NELL2: variants seen among roughly 807,000 people sequenced by gnomAD.
The protein encoded by NELL2 is neural EGFL like 2.
In NELL2, 41 loss-of-function variants were observed where a neutral mutation model predicts 109.6. The observed-to-expected ratio is 0.37, with a 90% CI of 0.29 to 0.49. The LOEUF is 0.49. Ranked by LOEUF, NELL2 falls within the 20% of genes least tolerant of loss-of-function variation. The pLI, the probability that NELL2 is intolerant of heterozygous loss-of-function variation, is 0.98. For missense variants in NELL2, 900 were observed against 1,008.3 expected (o/e 0.89, Z 1.45); for synonymous variants, 355 against 344.7 (o/e 1.03, Z -0.33).
intron 3 of NELL2, among the ~76,000 whole-genome samples, chr12:44,804,629 C>A (rs1239282016): frequency 6.6e-6 from 1 of 151,710 alleles, no homozygotes; most frequent in African/African-American, 2.4e-5. Context: ...TTATTTTAAG[C>A]AACTGATCAA....
intron 12 of NELL2, among the ~76,000 whole-genome samples, chr12:44,702,827 T>TA (rs113233231): frequency 0.062 from 9,423 of 152,160 alleles, 959 homozygotes; most frequent in African/African-American, 0.21. Flanking sequence ...AAAAACTATT[T>TA]AAGCTAAGGG....
chr12:44,880,136 C>CACAA (rs1566587612), upstream of NELL2, among the ~76,000 whole-genome samples: 10 of 140,866 alleles, frequency 7.1e-5, no homozygotes, highest in Non-Finnish European at 1.1e-4. Context: ...CACACACACA[C>CACAA]ACACAGAGAG....
At chr12:44,632,687 A>G (rs1946499260) in intron 13 of NELL2, among the ~76,000 whole-genome samples, 1 of 152,090 alleles carries the variant, frequency 6.6e-6, no homozygotes, top group Admixed American at 6.6e-5. Context: ...TGGCATTGAC[A>G]TATTTAAAGA....
chr12:44,628,843 AAT>A (rs1156971283), intron 13 of NELL2, among the ~76,000 whole-genome samples: 1 of 152,160 alleles, frequency 6.6e-6, no homozygotes, highest in African/African-American at 2.4e-5. Flanking sequence ...GAATTAGGTG[AAT>A]GTACCTTTCA....
At chr12:44,765,248 T>G (rs556193837) in intron 9 of NELL2, among the ~76,000 whole-genome samples, 33 of 152,352 alleles carry the variant, frequency 2.2e-4, no homozygotes, top group Non-Finnish European at 4.4e-4. Flanking sequence ...GACTTCAAAT[T>G]ATCTTTCCTG....
rs539671178 is a variant in NELL2 at position 44,714,817 on chromosome 12, A to C, written c.995-76T>G. ...AGAAGGGATCAGATCATCTTGTAAC[A>C]GCATTCCACATGTTATACACCTTTT... On this transcript the variant is annotated intron_variant, in intron 9 of 19. Transcript: ENST00000429094. The C allele has an allele frequency of 2.9e-5, 25 of 872,550 alleles. No individual in the cohort carries two copies. The African/African-American group carries it at 4.2e-4, about 15-fold the overall frequency. The allele number at this position is 872,550 out of a possible 1,614,324, so 54.1% of individuals were successfully genotyped here.
chr12:44,522,784 A>T (rs1285286703), intron 17 of NELL2: 1 of 155,746 alleles, frequency 6.4e-6, no homozygotes, highest in African/African-American at 2.4e-5. Flanking sequence ...GGATCACAGC[A>T]TGTTCATTCT....
Position 44,853,490 on chromosome 12 carries a change from TATG to T in NELL2, c.184+21732_184+21734del, listed in dbSNP as rs367701386. ...AAACATTTCTCCCCTTTATTTGGGATATGATATTTCTTCTCCTAGAGTGAAAAA... is the reference window on the plus strand; with the variant it reads ...AAACATTTCTCCCCTTTATTTGGGATATATTTCTTCTCCTAGAGTGAAAAA... On this transcript the variant is annotated intron_variant, in intron 2 of 19. Coordinates refer to ENST00000429094, the MANE Select transcript of NELL2 (RefSeq NM_001145108.2). Among the ~76,000 whole-genome samples the T allele has an allele frequency of 4.2e-3, 643 of 152,320 alleles. 4 individuals carry two copies. Among genetic ancestry groups the T allele is most frequent in the African/African-American group, 0.014 (590 of 41,582 alleles).
chr12:44,675,131 T>C (rs903976657), intron 12 of NELL2, among the ~76,000 whole-genome samples: 6 of 152,196 alleles, frequency 3.9e-5, no homozygotes, highest in African/African-American at 1.2e-4. Flanking sequence ...TACTTAGACA[T>C]GGGCTTTTGT....
chr12:44,540,781 C>CA lies in NELL2; in HGVS notation c.1664-8061dup, dbSNP rs57205620. 2.8e-3 allele frequency among the ~76,000 whole-genome samples: 137 copies of CA among 49,690 alleles called. 8 individuals are homozygous for CA. The highest frequency in any genetic ancestry group is 4.5e-3 in the African/African-American group (54 of 11,976). The allele number at this position is 49,690 out of a possible 152,430, so 32.6% of individuals were successfully genotyped here. A position where few individuals can be genotyped will look rare whatever the true frequency, so the allele number is the denominator to read the frequency against. On this transcript the variant is annotated intron_variant, in intron 15 of 19. Coordinates refer to ENST00000429094, the MANE Select transcript of NELL2 (RefSeq NM_001145108.2). ...AGCTTACTAATGTAAGTCTGCAAGCCAAAAAAAAAAAAAAAAAGCCCATCC... is the reference window on the plus strand; with the variant it reads ...AGCTTACTAATGTAAGTCTGCAAGCCAAAAAAAAAAAAAAAAAAGCCCATCC...
chr12:44,835,897 T>G (rs2136736456), intron 2 of NELL2, among the ~76,000 whole-genome samples: 1 of 152,320 alleles, frequency 6.6e-6, no homozygotes, highest in Non-Finnish European at 1.5e-5. Context: ...AACTCAGACC[T>G]GCTCAAGCTG....
intron 1 of NELL2, among the ~76,000 whole-genome samples, chr12:44,902,340 A>G (rs1945670092): frequency 6.6e-6 from 1 of 152,204 alleles, no homozygotes; most frequent in African/African-American, 2.4e-5. Flanking sequence ...AATGCAACTT[A>G]TGAGGGATGT....
intron 1 of NELL2, among the ~76,000 whole-genome samples, chr12:44,887,400 G>T (rs1270337879): frequency 1.3e-5 from 2 of 151,684 alleles, no homozygotes; most frequent in South Asian, 4.2e-4. Context: ...AGTATACAAG[G>T]GTTCCCCTTT....
chr12:44,748,624 C>A, intron 9 of NELL2, among the ~76,000 whole-genome samples: 1 of 152,066 alleles, frequency 6.6e-6, no homozygotes, highest in South Asian at 2.1e-4. Flanking sequence ...TTGAGAAATG[C>A]TTAGTTTCCA....
At chr12:44,827,838 A>G (rs570730427) in intron 2 of NELL2, among the ~76,000 whole-genome samples, 73 of 152,242 alleles carry the variant, frequency 4.8e-4, no homozygotes, top group Non-Finnish European at 9.4e-4. Context: ...TGGGAGTGGG[A>G]TTGCTAGATG....
rs564020146 is a variant in NELL2 at position 44,687,009 on chromosome 12, C to T, written c.1318+16717G>A. Reference sequence around the variant, plus strand: ...CTGGGCAATGGTGGGCGCCCCTCCCCGAGCCCTTGCAGTTTGATCTCAGAC... The same window carrying T: ...CTGGGCAATGGTGGGCGCCCCTCCCTGAGCCCTTGCAGTTTGATCTCAGAC... On this transcript the variant is annotated intron_variant, in intron 12 of 19. Coordinates refer to ENST00000429094, the MANE Select transcript of NELL2 (RefSeq NM_001145108.2). Among the ~76,000 whole-genome samples the T allele has an allele frequency of 3.0e-3, 457 of 151,976 alleles. 3 individuals carry two copies. The highest frequency in any genetic ancestry group is 4.7e-3 in the Non-Finnish European group (322 of 67,816).
chr12:44,825,391 CTTTT>C (rs34266446), intron 2 of NELL2, among the ~76,000 whole-genome samples: 19 of 83,614 alleles, frequency 2.3e-4, no homozygotes, highest in South Asian at 1.6e-3. Context: ...TATTCATTTC[CTTTT>C]TTTTTTTTTT....
At chr12:44,761,573 T>G (rs12312100) in intron 9 of NELL2, among the ~76,000 whole-genome samples, 1 of 150,924 alleles carries the variant, frequency 6.6e-6, no homozygotes, top group Non-Finnish European at 1.5e-5. Flanking sequence ...TTAAAATATA[T>G]AGCAGGACTA....
chr12:44,882,468 ATG>A (rs1739725377), intron 1 of NELL2, among the ~76,000 whole-genome samples: 1 of 151,324 alleles, frequency 6.6e-6, no homozygotes, highest in Non-Finnish European at 1.5e-5. Flanking sequence ...ATATATACAT[ATG>A]TGTATATATA....
Sources: allele counts gnomAD v4.1 joint callset (sites outside exome capture counted in the v4.1 genomes callset), GRCh38; gene constraint gnomAD v4.1.1; transcripts MANE v1.5; gene names NCBI Gene and HGNC (gene_info 2026-07-23, HGNC 2026-07-21).